Variants in HADH observed in about 807,000 individuals in gnomAD.
HADH encodes the protein hydroxyacyl-CoA dehydrogenase, also known as hydroxyacyl-coenzyme A dehydrogenase, mitochondrial.
In HADH, 24 loss-of-function variants were observed where a neutral mutation model predicts 32.2. The ratio of observed to expected loss-of-function variants is 0.75; its 90% CI spans 0.54 to 1.05. The LOEUF is 1.05. Ranked by LOEUF, HADH falls within the 50% of genes least tolerant of loss-of-function variation. The pLI is 0.00. For synonymous variants in HADH, 139 were observed against 152.5 expected, an observed-to-expected ratio of 0.91 and a Z score of 0.65; for missense variants, 350 against 397.1, an observed-to-expected ratio of 0.88 and a Z score of 1.01.
chr4:108,012,416 A>T (rs577407488), intron 2 of HADH, among the ~76,000 whole-genome samples: 2 of 152,318 alleles, frequency 1.3e-5, no homozygotes, highest in East Asian at 1.9e-4. Context: ...GAAAGGGTAC[A>T]CTCGCCAGCA....
chr4:108,012,503 C>T (rs1045748188), intron 2 of HADH, among the ~76,000 whole-genome samples: 3 of 152,206 alleles, frequency 2.0e-5, no homozygotes, highest in South Asian at 2.1e-4. Flanking sequence ...CTGCTGTGTC[C>T]GGTTTCTATT....
chr4:108,022,663 G>A (rs75619036), intron 4 of HADH, among the ~76,000 whole-genome samples: 3,691 of 152,238 alleles, frequency 0.024, 138 homozygotes, highest in African/African-American at 0.084. Flanking sequence ...CAGGTCCCAC[G>A]TAGAAGACTT....
In HADH at chr4:108,034,247, G is replaced by A. The variant is rs764560848; in HGVS notation, c.835G>A (p.Glu279Lys). 1.2e-6 allele frequency: 2 copies of A among 1,604,016 alleles called. No individual in the cohort carries two copies. Among genetic ancestry groups the A allele is most frequent in the East Asian group, 4.5e-5 (2 of 44,812 alleles). Residue 279 changes from glutamate (E) to lysine (K), a missense_variant, in exon 8 of 8, where the codon GAA becomes AAA. Coordinates refer to ENST00000309522, the MANE Select transcript of HADH (RefSeq NM_005327.7). Reference protein sequence around the residue: ...TTKFIVDGWHEMDAENPLHQP... With the variant: ...TTKFIVDGWHKMDAENPLHQP... ...TTCCCTCCGCTCAATAGGGTGGCAT[G>A]AAATGGATGCAGAGAACCCATTACA... is the stretch of plus-strand genomic sequence containing the variant.
chr4:108,019,754 T>A (rs779675998), intron 4 of HADH, 88 bp downstream of exon 4: 42 of 1,492,452 alleles, frequency 2.8e-5, no homozygotes, highest in Non-Finnish European at 3.9e-5. Context: ...CTGCCACCAG[T>A]TGCCTAGGAT....
intron 1 of HADH, among the ~76,000 whole-genome samples, chr4:107,996,416 A>C (rs991505794): frequency 6.6e-6 from 1 of 152,160 alleles, no homozygotes; most frequent in Non-Finnish European, 1.5e-5. Flanking sequence ...GGGAGGTGAG[A>C]AGTCTGGGAG....
At chr4:107,992,260 A>G (rs950468756) in intron 1 of HADH, among the ~76,000 whole-genome samples, 2 of 152,256 alleles carry the variant, frequency 1.3e-5, no homozygotes, top group Admixed American at 6.5e-5. Context: ...CTGAAAGGTT[A>G]TAAAGACCAG....
In HADH at chr4:108,034,272, A is replaced by G. The variant is rs1179548918; in HGVS notation, c.860A>G (p.His287Arg). 71 of 1,613,216 alleles carry G rather than the reference A, an allele frequency of 4.4e-5. No homozygotes were observed. Among genetic ancestry groups the G allele is most frequent in the Non-Finnish European group, 5.7e-5 (67 of 1,179,226 alleles). ...GAAATGGATGCAGAGAACCCATTAC[A>G]TCAGCCCAGCCCATCCTTAAATAAG... ...WHEMDAENPL[H>R]QPSPSLNKLV... The change falls in exon 8 of 8, where the codon CAT becomes CGT. Residue 287 changes from histidine (H) to arginine (R), a missense_variant. His to Arg is a conservative substitution (Grantham distance 29). Coordinates refer to ENST00000309522, the MANE Select transcript of HADH (RefSeq NM_005327.7).
intron 4 of HADH, among the ~76,000 whole-genome samples, chr4:108,022,673 T>C (rs748245246): frequency 6.6e-5 from 10 of 152,152 alleles, no homozygotes; most frequent in Non-Finnish European, 1.2e-4. Flanking sequence ...GTAGAAGACT[T>C]TAAGGGCAAC....
In HADH at chr4:108,001,114, G is replaced by A. The variant is rs192017035; in HGVS notation, c.133-8645G>A. Among the ~76,000 whole-genome samples, 120 of 152,318 alleles carry A rather than the reference G, an allele frequency of 7.9e-4. No individual in the cohort carries two copies. The East Asian group carries it at 8.1e-3, about 10-fold the overall frequency. ...GGAAAAAGGCTTCATGGAGAGGGTA[G>A]CATTTGAAATGGGCCTGAATAATGG... is the stretch of plus-strand genomic sequence containing the variant. On this transcript the variant is annotated intron_variant, in intron 1 of 7. Transcript: ENST00000309522.
intron 1 of HADH, among the ~76,000 whole-genome samples, chr4:107,995,201 A>G (rs569894455): frequency 7.2e-5 from 11 of 152,272 alleles, no homozygotes; most frequent in African/African-American, 2.4e-4. Context: ...TCAAAAGTAC[A>G]GGCTATGAGG....
chr4:108,034,229 C>A lies in HADH; in HGVS notation c.827-10C>A. The stretch of plus-strand genomic sequence containing the variant: ...ACTTCATCCTGAGTTCTCTTCCCTC[C>A]GCTCAATAGGGTGGCATGAAATGGA... On this transcript the variant is annotated splice_polypyrimidine_tract_variant and intron_variant, in intron 7 of 7. Coordinates refer to ENST00000309522, the MANE Select transcript of HADH (RefSeq NM_005327.7). 1 of 1,541,228 alleles carries A rather than the reference C, an allele frequency of 6.5e-7. No homozygotes were observed. Among genetic ancestry groups the A allele is most frequent in the Non-Finnish European group, 9.0e-7 (1 of 1,113,528 alleles).
chr4:108,033,652 A>G (rs1308801257), intron 7 of HADH, among the ~76,000 whole-genome samples: 2 of 152,228 alleles, frequency 1.3e-5, no homozygotes, highest in African/African-American at 4.8e-5. Context: ...TATCACATCA[A>G]TAGATTTGTG....
chr4:108,002,329 G>A (rs1311989368), intron 1 of HADH, among the ~76,000 whole-genome samples: 1 of 152,098 alleles, frequency 6.6e-6, no homozygotes, highest in Non-Finnish European at 1.5e-5. Flanking sequence ...ATTCTCATAG[G>A]AGCATGAATC....
chr4:108,027,108 C>G (rs552912616), intron 5 of HADH: 19 of 177,046 alleles, frequency 1.1e-4, no homozygotes, highest in South Asian at 2.5e-4. Context: ...GCGCTGGAAC[C>G]TGAGAAGTTG....
intron 4 of HADH, among the ~76,000 whole-genome samples, chr4:108,022,735 T>C (rs776367395): frequency 6.6e-6 from 1 of 152,194 alleles, no homozygotes; most frequent in African/African-American, 2.4e-5. Flanking sequence ...TCAGCATTTA[T>C]TGAGCATTTG....
At chr4:108,020,688 G>A (rs1216850337) in intron 4 of HADH, among the ~76,000 whole-genome samples, 1 of 152,112 alleles carries the variant, frequency 6.6e-6, no homozygotes, top group Admixed American at 6.5e-5. Context: ...TAATTACAGG[G>A]TCTGAGGAGC....
intron 6 of HADH, chr4:108,028,885 T>C: frequency 2.5e-6 from 1 of 398,574 alleles, no homozygotes; most frequent in Non-Finnish European, 4.4e-6. Flanking sequence ...TTGAAAGCCC[T>C]CTTCTTGTCT....
At chr4:108,024,801 T>G (rs2126235220) in intron 5 of HADH, 1 of 152,262 alleles carries the variant, frequency 6.6e-6, no homozygotes, top group East Asian at 1.9e-4. Context: ...CTAATGATTA[T>G]CTTCAGCAGC....
intron 6 of HADH, chr4:108,032,415 A>G: frequency 7.4e-7 from 1 of 1,359,466 alleles, no homozygotes; most frequent in Non-Finnish European, 1.0e-6. Context: ...ATGTGATGCC[A>G]GGGGAATACT....
Sources: allele counts gnomAD v4.1 joint callset (sites outside exome capture counted in the v4.1 genomes callset), GRCh38; gene constraint gnomAD v4.1.1; transcripts MANE v1.5; gene names NCBI Gene and HGNC (gene_info 2026-07-23, HGNC 2026-07-21).